The following PDS5A variants were observed in gnomAD, a reference collection of about 807,000 sequenced individuals.
The protein encoded by PDS5A is sister chromatid cohesion protein PDS5 homolog A.
PDS5A carries 42 observed loss-of-function variants against 167.1 expected under a neutral mutation model. The observed-to-expected ratio is 0.25, with a 90% CI of 0.20 to 0.33. PDS5A has a LOEUF of 0.33. Among genes scored for constraint, PDS5A ranks in the 10% least tolerant of loss-of-function variants. The pLI, the probability that PDS5A is intolerant of heterozygous loss-of-function variation, is 1.00. For missense variants in PDS5A, 1,033 were observed against 1,605.9 expected (o/e 0.64, Z 6.10); for synonymous variants, 553 against 554.6 (o/e 1.00, Z 0.04).
intron 12 of PDS5A, 58 bp downstream of exon 12, chr4:39,903,982 A>T (rs1723093714): frequency 7.2e-6 from 7 of 978,576 alleles, no homozygotes; most frequent in Non-Finnish European, 5.7e-6. Context: ...TTAAATAGAC[A>T]TTTTTTAAGT....
In PDS5A at chr4:39,864,835, G is replaced by A. The variant is rs150586052; in HGVS notation, c.2643-1376C>T. Among the ~76,000 whole-genome samples the A allele has an allele frequency of 9.2e-3, 1,394 of 152,196 alleles. 14 individuals carry two copies. Among genetic ancestry groups the A allele is most frequent in the Admixed American group, 0.014 (210 of 15,288 alleles). ...GATGAGGAAATTGAGGCTTACAAAA[G>A]GTAATACTATATTATATGATATCCA... On this transcript the variant is annotated intron_variant, in intron 23 of 32. Coordinates refer to ENST00000303538, the MANE Select transcript of PDS5A (RefSeq NM_001100399.2).
At chr4:39,944,459 C>T (rs920580454) in intron 2 of PDS5A, among the ~76,000 whole-genome samples, 5 of 152,008 alleles carry the variant, frequency 3.3e-5, no homozygotes, top group East Asian at 1.9e-4. Context: ...TCCGGGAGGC[C>T]GAGGTGGGCG....
chr4:39,844,250 G>A (rs145030737), intron 30 of PDS5A, among the ~76,000 whole-genome samples: 4,993 of 152,218 alleles, frequency 0.033, 200 homozygotes, highest in East Asian at 0.22. Flanking sequence ...TGAGGCAGGC[G>A]GATCACCTCA....
chr4:39,895,846 T>C (rs1013735235), intron 16 of PDS5A, among the ~76,000 whole-genome samples: 1 of 151,482 alleles, frequency 6.6e-6, no homozygotes, highest in Non-Finnish European at 1.5e-5. Context: ...GCCTCCAGAG[T>C]AGCTGGGACT....
At chr4:39,896,247 T>C (rs1047959096) in intron 16 of PDS5A, among the ~76,000 whole-genome samples, 12 of 150,264 alleles carry the variant, frequency 8.0e-5, no homozygotes. Flanking sequence ...GGTTTTGATA[T>C]ATTGCCCAGG....
intron 2 of PDS5A, among the ~76,000 whole-genome samples, chr4:39,951,773 G>A (rs989221982): frequency 3.3e-5 from 5 of 151,916 alleles, no homozygotes; most frequent in African/African-American, 1.2e-4. Context: ...GGTGGCAGGC[G>A]CCTGTAGTCC....
At chr4:39,951,898 CAAAAAA>C (rs1161911794) in intron 2 of PDS5A, among the ~76,000 whole-genome samples, 322 of 68,822 alleles carry the variant, frequency 4.7e-3, no homozygotes, top group African/African-American at 0.019. Context: ...GAGTCTGTCT[CAAAAAA>C]AAAAAAAAAA....
At chr4:39,917,667 G>C (rs1030646184) in intron 7 of PDS5A, among the ~76,000 whole-genome samples, 2 of 151,816 alleles carry the variant, frequency 1.3e-5, no homozygotes, top group Non-Finnish European at 2.9e-5. Context: ...TTCCACCTCC[G>C]AGGTTCAAGC....
chr4:39,943,649 A>C (rs866678574), intron 2 of PDS5A, among the ~76,000 whole-genome samples: 29 of 151,318 alleles, frequency 1.9e-4, no homozygotes, highest in African/African-American at 7.0e-4. Context: ...AATACAAAAA[A>C]TACAAAAATT....
At chr4:39,831,388 C>T (rs1244867323) in intron 32 of PDS5A, among the ~76,000 whole-genome samples, 1 of 151,970 alleles carries the variant, frequency 6.6e-6, no homozygotes, top group East Asian at 1.9e-4. Context: ...CGTGAGCCAC[C>T]GTGCCTGGCC....
intron 31 of PDS5A, 36 bp downstream of exon 31, chr4:39,841,912 A>T (rs758086927): frequency 2.7e-6 from 3 of 1,125,684 alleles, no homozygotes; most frequent in African/African-American, 1.5e-5. Context: ...AATAATCTCC[A>T]TGGAAAAAAT....
intron 2 of PDS5A, among the ~76,000 whole-genome samples, chr4:39,942,502 G>A (rs1488622171): frequency 6.6e-6 from 1 of 152,132 alleles, no homozygotes; most frequent in Admixed American, 6.6e-5. Context: ...GTAGGCTAGA[G>A]TGCAGTGGCA....
At chr4:39,944,354 T>C (rs1727540461) in intron 2 of PDS5A, among the ~76,000 whole-genome samples, 1 of 152,056 alleles carries the variant, frequency 6.6e-6, no homozygotes, top group Non-Finnish European at 1.5e-5. Flanking sequence ...ATTTTTAGCC[T>C]CAAGGGGAAT....
At chr4:39,943,057 C>T (rs1158456487) in intron 2 of PDS5A, among the ~76,000 whole-genome samples, 1 of 151,508 alleles carries the variant, frequency 6.6e-6, no homozygotes, top group African/African-American at 2.4e-5. Context: ...TTCTAGATTT[C>T]AGTAATTGAC....
At chr4:39,850,631 A>C (rs571971871) in intron 26 of PDS5A, among the ~76,000 whole-genome samples, 1 of 152,348 alleles carries the variant, frequency 6.6e-6, no homozygotes, top group South Asian at 2.1e-4. Context: ...TCTGCCGAGA[A>C]ACAAGTCTAA....
chr4:39,834,789 T>A (rs548167238), intron 32 of PDS5A, among the ~76,000 whole-genome samples: 1 of 152,140 alleles, frequency 6.6e-6, no homozygotes, highest in Non-Finnish European at 1.5e-5. Context: ...ATTATTTATA[T>A]TGTGTACAAC....
chr4:39,900,417 T>G lies in PDS5A; in HGVS notation c.1581+9A>C, dbSNP rs1349026661. The G allele has an allele frequency of 6.5e-7, 1 of 1,540,642 alleles. No homozygotes were observed. Among genetic ancestry groups the G allele is most frequent in the East Asian group, 2.3e-5 (1 of 43,160 alleles). The stretch of plus-strand genomic sequence containing the variant: ...ATAAACTATGAATTTAAACAAATCA[T>G]GAACCTACTGTAGGCTGCTTGTGCA... On this transcript the variant is annotated intron_variant, in intron 14 of 32. Coordinates refer to ENST00000303538, the MANE Select transcript of PDS5A (RefSeq NM_001100399.2).
At chr4:39,833,369 T>C (rs1288811693) in intron 32 of PDS5A, among the ~76,000 whole-genome samples, 3 of 151,834 alleles carry the variant, frequency 2.0e-5, no homozygotes, top group African/African-American at 4.8e-5. Context: ...CCCAAAGAAA[T>C]CAGTAGCTTA....
intron 23 of PDS5A, 30 bp downstream of exon 23, chr4:39,866,831 A>C (rs1053877875): frequency 3.1e-6 from 5 of 1,591,774 alleles, no homozygotes; most frequent in Non-Finnish European, 4.3e-6. Context: ...TTTCAGCACT[A>C]AGAAAACTGG....
Sources: gnomAD v4.1 joint callset for allele counts (sites outside exome capture counted in the v4.1 genomes callset) on GRCh38, gnomAD v4.1.1 for gene constraint, MANE v1.5 for transcripts, NCBI Gene and HGNC (gene_info 2026-07-23, HGNC 2026-07-21) for gene names.